BNC2: variants seen among roughly 807,000 people sequenced by gnomAD.
BNC2 encodes the protein zinc finger protein basonuclin-2.
BNC2 carries 20 observed loss-of-function variants against 76.3 expected under a neutral mutation model. That is an observed-to-expected ratio of 0.26 (90% CI 0.18 to 0.38). The LOEUF is 0.38. BNC2 is among the 10% of genes least tolerant of loss of function. The pLI, the probability that BNC2 is intolerant of heterozygous loss-of-function variation, is 1.00. For synonymous variants in BNC2, 582 were observed against 514.8 expected (o/e 1.13, Z -1.77); for missense variants, 1,382 against 1,399.8 (o/e 0.99, Z 0.20).
At chr9:16,571,543 T>G (rs894688606) in intron 4 of BNC2, among the ~76,000 whole-genome samples, 4 of 152,150 alleles carry the variant, frequency 2.6e-5, no homozygotes, top group Admixed American at 6.6e-5. Context: ...TTGCAAAACT[T>G]TGAACCCCAT....
At chr9:16,624,956 G>C (rs1563869001) in intron 3 of BNC2, among the ~76,000 whole-genome samples, 2 of 152,188 alleles carry the variant, frequency 1.3e-5, no homozygotes, top group East Asian at 3.8e-4. Context: ...TAAAAAGTTA[G>C]AAGAGAGCAC....
chr9:16,423,452 T>C (rs1820746574), intron 6 of BNC2, among the ~76,000 whole-genome samples: 1 of 152,176 alleles, frequency 6.6e-6, no homozygotes, highest in Non-Finnish European at 1.5e-5. Context: ...GTGGTAATCA[T>C]TAAGGCAGTG....
chr9:16,572,611 T>C (rs937783732), intron 4 of BNC2, among the ~76,000 whole-genome samples: 1 of 151,984 alleles, frequency 6.6e-6, no homozygotes, highest in Non-Finnish European at 1.5e-5. Context: ...CAAAGTGTAT[T>C]GAGAAAATAA....
intron 3 of BNC2, among the ~76,000 whole-genome samples, chr9:16,596,855 T>C (rs1027238215): frequency 5.3e-5 from 8 of 152,106 alleles, no homozygotes; most frequent in Non-Finnish European, 1.5e-5. Flanking sequence ...CATGAATAAT[T>C]GTATTTACTA....
intron 5 of BNC2, among the ~76,000 whole-genome samples, chr9:16,516,583 G>A (rs1174193696): frequency 2.0e-5 from 3 of 152,034 alleles, no homozygotes; most frequent in Admixed American, 6.6e-5. Flanking sequence ...ATCCCAAAGC[G>A]GGTTCTTTCT....
At chr9:16,740,031 C>T (rs1026741009) in intron 1 of BNC2, among the ~76,000 whole-genome samples, 44 of 152,060 alleles carry the variant, frequency 2.9e-4, no homozygotes, top group African/African-American at 1.0e-3. Flanking sequence ...AAACAAGTGG[C>T]CAAGGTTAGT....
rs1166784077 is a variant in BNC2, at chr9:16,418,293, TTC to T, written c.*694_*695del. The T allele has an allele frequency of 6.5e-6, 1 of 152,706 alleles. No homozygotes were observed. The highest frequency in any genetic ancestry group is 1.5e-5 in the Non-Finnish European group (1 of 68,100). The allele number at this position is 152,706 out of a possible 1,614,324, so 9.5% of individuals were successfully genotyped here. Reference sequence around the variant, plus strand: ...GTAGTAAAAACAAGACCATGTTTTTTTCTTTTTTTAAAAATGTGCATTAATGC... The same window carrying T: ...GTAGTAAAAACAAGACCATGTTTTTTTTTTTTTAAAAATGTGCATTAATGC... On this transcript the variant is annotated 3_prime_UTR_variant, in exon 7 of 7. Transcript: ENST00000380672.
At chr9:16,537,099 C>G (rs1182631289) in intron 5 of BNC2, among the ~76,000 whole-genome samples, 3 of 152,048 alleles carry the variant, frequency 2.0e-5, no homozygotes, top group Non-Finnish European at 4.4e-5. Context: ...TGAAACATGT[C>G]TAGAAGCTCC....
intron 1 of BNC2, among the ~76,000 whole-genome samples, chr9:16,752,790 G>T (rs970311719): frequency 1.6e-4 from 24 of 152,164 alleles, no homozygotes; most frequent in African/African-American, 5.1e-4. Flanking sequence ...GAAACTACAG[G>T]AGTGTGAGCT....
chr9:16,465,313 G>A (rs1380074514), intron 5 of BNC2, among the ~76,000 whole-genome samples: 2 of 151,928 alleles, frequency 1.3e-5, no homozygotes, highest in African/African-American at 4.8e-5. Context: ...GCAGGCGCCT[G>A]TAGTCCCAGC....
At chr9:16,854,998 G>C (rs1489220740) in intron 1 of BNC2, among the ~76,000 whole-genome samples, 1 of 151,744 alleles carries the variant, frequency 6.6e-6, no homozygotes, top group Non-Finnish European at 1.5e-5. Flanking sequence ...CCCATAAAGA[G>C]ATGAACAACA....
At chr9:16,799,837 C>G (rs994560674) in intron 1 of BNC2, among the ~76,000 whole-genome samples, 2 of 151,996 alleles carry the variant, frequency 1.3e-5, no homozygotes, top group African/African-American at 4.8e-5. Context: ...TTTTTCAGAA[C>G]TTTTTTACCT....
At chr9:16,549,126 T>C (rs1036375353) in intron 5 of BNC2, among the ~76,000 whole-genome samples, 1 of 152,110 alleles carries the variant, frequency 6.6e-6, no homozygotes, top group Non-Finnish European at 1.5e-5. Context: ...TCCCCCTACA[T>C]CCAAAAATTC....
intron 6 of BNC2, among the ~76,000 whole-genome samples, chr9:16,424,611 CTATT>C (rs1244082583): frequency 2.0e-5 from 3 of 151,972 alleles, no homozygotes; most frequent in African/African-American, 7.3e-5. Context: ...ATATGCATGC[CTATT>C]TGTCTGTATG....
intron 5 of BNC2, among the ~76,000 whole-genome samples, chr9:16,539,775 A>G (rs1180394641): frequency 2.4e-5 from 2 of 83,514 alleles, no homozygotes; most frequent in African/African-American, 1.1e-4. Context: ...AAAAGAAAGG[A>G]AAGGAAAGGA....
At chr9:16,683,296 C>G (rs758293476) in intron 3 of BNC2, among the ~76,000 whole-genome samples, 1 of 152,166 alleles carries the variant, frequency 6.6e-6, no homozygotes, top group East Asian at 1.9e-4. Context: ...AGGGGCTCCA[C>G]CAGTCATGAG....
chr9:16,480,849 C>CA (rs2131510326), intron 5 of BNC2, among the ~76,000 whole-genome samples: 1 of 152,314 alleles, frequency 6.6e-6, no homozygotes, highest in East Asian at 1.9e-4. Context: ...CCCCCTGCTC[C>CA]ACGGCGCCCA....
At chr9:16,659,582 C>T (rs1031188445) in intron 3 of BNC2, among the ~76,000 whole-genome samples, 4 of 141,700 alleles carry the variant, frequency 2.8e-5, no homozygotes, top group Admixed American at 7.6e-5. Flanking sequence ...CACTCCAGCC[C>T]GGTGACAGAG....
At chr9:16,649,593 C>T (rs1431338801) in intron 3 of BNC2, among the ~76,000 whole-genome samples, 2 of 152,044 alleles carry the variant, frequency 1.3e-5, no homozygotes, top group African/African-American at 4.8e-5. Flanking sequence ...ATTAAAAAAC[C>T]ATCAGTGACT....
Sources: gnomAD v4.1 joint callset for allele counts (sites outside exome capture counted in the v4.1 genomes callset) on GRCh38, gnomAD v4.1.1 for gene constraint, MANE v1.5 for transcripts, NCBI Gene and HGNC (gene_info 2026-07-23, HGNC 2026-07-21) for gene names.